PREPL: variants seen among roughly 807,000 people sequenced by gnomAD.
PREPL encodes prolyl endopeptidase-like.
Under a neutral mutation model 70.6 loss-of-function variants are expected in PREPL, and 77 were observed. The ratio of observed to expected loss-of-function variants is 1.09; its 90% CI spans 0.91 to 1.32. The LOEUF (loss-of-function observed/expected upper bound fraction) is 1.32, where lower values mean the gene tolerates loss of function less well. Among genes scored for constraint, PREPL ranks in the 40% most tolerant of loss-of-function variants. The pLI is 0.00. For synonymous variants in PREPL, 315 were observed against 264.8 expected, an observed-to-expected ratio of 1.19 and a Z score of -1.84; for missense variants, 1,002 against 778.2, an observed-to-expected ratio of 1.29 and a Z score of -3.42.
At chr2:44,354,416 A>C (rs1477214189) in intron 1 of PREPL, among the ~76,000 whole-genome samples, 1 of 152,184 alleles carries the variant, frequency 6.6e-6, no homozygotes, top group African/African-American at 2.4e-5. Flanking sequence ...GAAAAGTTTA[A>C]AATGATGTAG....
At chr2:44,352,248 T>C (rs1322808770) in intron 1 of PREPL, among the ~76,000 whole-genome samples, 2 of 152,200 alleles carry the variant, frequency 1.3e-5, no homozygotes, top group Middle Eastern at 3.2e-3. Flanking sequence ...CCACTTTGTA[T>C]TTCATTCATG....
intron 1 of PREPL, among the ~76,000 whole-genome samples, chr2:44,358,848 T>C (rs1283318833): frequency 1.3e-5 from 2 of 152,166 alleles, no homozygotes; most frequent in Non-Finnish European, 2.9e-5. Flanking sequence ...ATACAATTCA[T>C]GGCCTTTACT....
chr2:44,336,949 G>A (rs917669112), intron 7 of PREPL, among the ~76,000 whole-genome samples: 11 of 152,028 alleles, frequency 7.2e-5, no homozygotes, highest in African/African-American at 2.7e-4. Context: ...CTCAAAACTA[G>A]CTTCCTGCCC....
At chr2:44,353,651 T>C (rs1676695626) in intron 1 of PREPL, among the ~76,000 whole-genome samples, 1 of 151,998 alleles carries the variant, frequency 6.6e-6, no homozygotes, top group Non-Finnish European at 1.5e-5. Context: ...TGTGTAGTAC[T>C]GGCATAACGA....
intron 1 of PREPL, among the ~76,000 whole-genome samples, chr2:44,352,383 C>T (rs750696543): frequency 4.6e-5 from 7 of 152,106 alleles, no homozygotes; most frequent in Non-Finnish European, 7.3e-5. Flanking sequence ...TCCTTGATCT[C>T]AGCTCTCAAG....
chr2:44,333,240 T>C (rs1674300871), intron 7 of PREPL, among the ~76,000 whole-genome samples: 1 of 152,228 alleles, frequency 6.6e-6, no homozygotes, highest in Admixed American at 6.5e-5. Flanking sequence ...CTGGCACATC[T>C]ACTCTGAGAG....
intron 4 of PREPL, 28 bp downstream of exon 4, chr2:44,343,717 C>G (rs948670478): frequency 6.3e-7 from 1 of 1,582,200 alleles, no homozygotes; most frequent in African/African-American, 1.4e-5. Flanking sequence ...CCTTTCAACA[C>G]AGAGGACTAT....
intron 7 of PREPL, among the ~76,000 whole-genome samples, chr2:44,336,482 C>T (rs142929710): frequency 2.5e-4 from 38 of 152,158 alleles, no homozygotes; most frequent in Middle Eastern, 3.4e-3. Flanking sequence ...GGGAGCTAAA[C>T]ATTGTGTCCA....
chr2:44,352,706 G>A (rs976520399), intron 1 of PREPL, among the ~76,000 whole-genome samples: 7 of 151,882 alleles, frequency 4.6e-5, no homozygotes, highest in Non-Finnish European at 7.4e-5. Flanking sequence ...AATATTTGCT[G>A]AGTTGAATAA....
In PREPL at chr2:44,319,187, C is replaced by A. The variant is rs1320829883; in HGVS notation, c.*2169G>T. 6.6e-6 allele frequency: 1 copy of A among 152,596 alleles called. No individual in the cohort carries two copies. Among genetic ancestry groups the A allele is most frequent in the Non-Finnish European group, 1.5e-5 (1 of 68,020 alleles). The allele number at this position is 152,596 out of a possible 1,614,324, so 9.5% of individuals were successfully genotyped here. The stretch of plus-strand genomic sequence containing the variant: ...TTATTTAAAGACCACATATTGGGAA[C>A]CTACCCCTAAAGAACAATAACAACC... On this transcript the variant is annotated 3_prime_UTR_variant, in exon 14 of 14. Transcript: ENST00000409411.
chr2:44,345,002 C>G (rs1366115873), intron 2 of PREPL, among the ~76,000 whole-genome samples: 5 of 152,160 alleles, frequency 3.3e-5, no homozygotes, highest in African/African-American at 1.2e-4. Context: ...CCTGAAAACC[C>G]AGTCTATAAC....
At position 44,319,510 on chromosome 2, in the gene PREPL, TTATA is replaced by T. The variant is rs1442524728; in HGVS notation, c.*1842_*1845del. 2.0e-4 allele frequency: 31 copies of T among 152,276 alleles called. No individual in the cohort carries two copies. 9.4% of individuals were successfully genotyped at this position (152,276 alleles called of 1,614,324 possible). A position where few individuals can be genotyped will look rare whatever the true frequency, so the allele number is the denominator to read the frequency against. On this transcript the variant is annotated 3_prime_UTR_variant, in exon 14 of 14. Coordinates refer to ENST00000409411, the MANE Select transcript of PREPL (RefSeq NM_001171613.2). Reference sequence around the variant, plus strand: ...ATTAAAAACATTTATGGAGGCTATATTATATAGTCAATAACAGAAAATGCTTGAA... The same window carrying T: ...ATTAAAAACATTTATGGAGGCTATATTAGTCAATAACAGAAAATGCTTGAA...
chr2:44,359,567 T>A lies in PREPL; in HGVS notation c.-49+1813A>T, dbSNP rs78349078. 1.1e-3 allele frequency: 1,743 copies of A among 1,613,384 alleles called. 9 individuals carry two copies. In the African/African-American group the frequency reaches 0.021, roughly 19 times the overall value. ...TATCTTGGGTTTATTCTGAAGACAC[T>A]TGGTTAGGTGATATTTTTTCAATTT... On this transcript the variant is annotated intron_variant, in intron 1 of 13. Coordinates refer to ENST00000409411, the MANE Select transcript of PREPL (RefSeq NM_001171613.2).
Position 44,346,442 on chromosome 2 carries a change from T to G in PREPL, c.-48-52A>C, listed in dbSNP as rs763256714. ...ATATTTCAAACTAGGGAAAAAAAAC[T>G]TTTGCTTTTTAAAGATAAGTAGGTC... On this transcript the variant is annotated intron_variant, in intron 1 of 13. Transcript: ENST00000409411. The G allele has an allele frequency of 7.0e-6, 11 of 1,575,068 alleles. No individual in the cohort carries two copies. The South Asian group carries it at 1.1e-4, about 16-fold the overall frequency.
chr2:44,343,802 T>A lies in PREPL; in HGVS notation c.292A>T (p.Ile98Leu). ...ATTACGGGCTGATCGCTGAGCTTTATAATTACACAGGTAGATGCTTCAGAA... is the reference window on the plus strand; with the variant it reads ...ATTACGGGCTGATCGCTGAGCTTTAAAATTACACAGGTAGATGCTTCAGAA... ...EDSEASTCVI[I>L]KLSDQPVMEA... The change falls in exon 4 of 14, where the codon ATA becomes TTA. Residue 98 changes from isoleucine (I) to leucine (L), a missense_variant. By Grantham distance (5) the Ile-to-Leu change is conservative (BLOSUM62 2). Coordinates refer to ENST00000409411, the MANE Select transcript of PREPL (RefSeq NM_001171613.2). 6.2e-7 allele frequency: 1 copy of A among 1,614,066 alleles called. No homozygotes were observed. The highest frequency in any genetic ancestry group is 8.5e-7 in the Non-Finnish European group (1 of 1,179,912).
In PREPL at chr2:44,319,132, A is replaced by G. The variant is rs1012330033; in HGVS notation, c.*2224T>C. 6.6e-6 allele frequency: 1 copy of G among 152,656 alleles called. No individual in the cohort carries two copies. The highest frequency in any genetic ancestry group is 1.5e-5 in the Non-Finnish European group (1 of 68,028). The allele number at this position is 152,656 out of a possible 1,614,324, so 9.5% of individuals were successfully genotyped here. A position where few individuals can be genotyped will look rare whatever the true frequency, so the allele number is the denominator to read the frequency against. ...AATATCTTTGTACCTGACAAACAGA[A>G]TAAACATCTTTTTAAACACCATTAG... On this transcript the variant is annotated 3_prime_UTR_variant, in exon 14 of 14. Coordinates refer to ENST00000409411, the MANE Select transcript of PREPL (RefSeq NM_001171613.2).
At position 44,320,837 on chromosome 2, in the gene PREPL, G is replaced by A. The variant is rs1672880678; in HGVS notation, c.*519C>T. On this transcript the variant is annotated 3_prime_UTR_variant, in exon 14 of 14. Transcript: ENST00000409411. The stretch of plus-strand genomic sequence containing the variant: ...GTTTAAAAGTAAATTATGGCTTATA[G>A]GAGCTTATAACTTTATTCAGATAGC... 1 of 601,242 alleles carries A rather than the reference G, an allele frequency of 1.7e-6. No homozygotes were observed. The highest frequency in any genetic ancestry group is 4.5e-4 in the Middle Eastern group (1 of 2,198). 37.2% of individuals were successfully genotyped at this position (601,242 alleles called of 1,614,324 possible). A position where few individuals can be genotyped will look rare whatever the true frequency, so the allele number is the denominator to read the frequency against.
intron 10 of PREPL, among the ~76,000 whole-genome samples, chr2:44,326,494 G>C (rs1400776339): frequency 6.8e-6 from 1 of 147,970 alleles, no homozygotes; most frequent in Non-Finnish European, 1.5e-5. Context: ...AGCCTGGGTA[G>C]GTTTTTTTTT....
intron 1 of PREPL, among the ~76,000 whole-genome samples, chr2:44,357,917 T>C (rs1437789418): frequency 6.6e-6 from 1 of 151,808 alleles, no homozygotes; most frequent in Non-Finnish European, 1.5e-5. Context: ...GTAAAGAAAG[T>C]ACTAAACTAA....
Sources: allele counts gnomAD v4.1 joint callset (sites outside exome capture counted in the v4.1 genomes callset), GRCh38; gene constraint gnomAD v4.1.1; transcripts MANE v1.5; gene names NCBI Gene and HGNC (gene_info 2026-07-23, HGNC 2026-07-21).